ZPLD1: variants seen among roughly 807,000 people sequenced by gnomAD.
ZPLD1 encodes the protein zona pellucida-like domain-containing protein 1.
A neutral mutation model predicts 47.2 loss-of-function variants in ZPLD1; 34 were observed. That is an observed-to-expected ratio of 0.72 (90% CI 0.55 to 0.96). ZPLD1 has a LOEUF of 0.96. Among genes scored for constraint, ZPLD1 ranks in the 40% least tolerant of loss-of-function variants. The pLI is 0.00. For missense variants in ZPLD1, 512 were observed against 505.8 expected (o/e 1.01, Z -0.12); for synonymous variants, 176 against 186.2 (o/e 0.95, Z 0.45).
intron 3 of ZPLD1, among the ~76,000 whole-genome samples, chr3:102,447,061 G>T (rs1464650470): frequency 6.6e-6 from 1 of 152,022 alleles, no homozygotes; most frequent in Non-Finnish European, 1.5e-5. Flanking sequence ...TGATTCTTGT[G>T]CATCTCATCT....
At chr3:102,408,099 A>C (rs79077759) in intron 7 of ZPLD1, among the ~76,000 whole-genome samples, 21,767 of 151,858 alleles carry the variant, frequency 0.14, 2,052 homozygotes, top group Middle Eastern at 0.23. Context: ...TGCAGGCAGA[A>C]AGTCCAGGGT....
intron 3 of ZPLD1, among the ~76,000 whole-genome samples, chr3:102,439,080 A>T (rs1022392545): frequency 6.6e-6 from 1 of 152,210 alleles, no homozygotes; most frequent in Non-Finnish European, 1.5e-5. Flanking sequence ...CGTTGTGACA[A>T]ATACGAGATT....
chr3:102,426,132 GCACACACA>G (rs79509819), intron 8 of ZPLD1, among the ~76,000 whole-genome samples: 2 of 143,004 alleles, frequency 1.4e-5, no homozygotes, highest in African/African-American at 2.5e-5. Context: ...ACACACACAT[GCACACACA>G]CACACACACA....
chr3:102,470,986 T>C (rs1178772721), intron 10 of ZPLD1, among the ~76,000 whole-genome samples: 1 of 152,014 alleles, frequency 6.6e-6, no homozygotes, highest in African/African-American at 2.4e-5. Flanking sequence ...ACCATGTTGC[T>C]CAGGCTGGTC....
At chr3:102,393,725 T>A (rs1576123266) in intron 7 of ZPLD1, among the ~76,000 whole-genome samples, 1 of 152,038 alleles carries the variant, frequency 6.6e-6, no homozygotes, top group Non-Finnish European at 1.5e-5. Context: ...ATTAGAAATA[T>A]CTTTGGCATT....
At chr3:102,412,323 A>G (rs771978976) in intron 7 of ZPLD1, among the ~76,000 whole-genome samples, 1 of 151,816 alleles carries the variant, frequency 6.6e-6, no homozygotes, top group Non-Finnish European at 1.5e-5. Flanking sequence ...TGGGAGGCAT[A>G]GGATCTGGAA....
intron 2 of ZPLD1, among the ~76,000 whole-genome samples, chr3:102,438,242 T>C (rs879004785): frequency 1.3e-5 from 2 of 152,192 alleles, no homozygotes; most frequent in African/African-American, 4.8e-5. Context: ...TCTTCTACTA[T>C]GAAAATCTAG....
chr3:102,468,828 A>G (rs944096930), intron 8 of ZPLD1, 136 bp from the exon 9 acceptor site: 90 of 758,058 alleles, frequency 1.2e-4, no homozygotes, highest in Non-Finnish European at 1.7e-4. Flanking sequence ...GCTATGATTA[A>G]ATATCTGTAA....
At position 102,479,656 on chromosome 3, in the gene ZPLD1, A is replaced by G. The variant is rs1323154564; in HGVS notation, c.*2038A>G. The G allele has an allele frequency of 6.6e-6, 1 of 152,134 alleles. No homozygotes were observed. Among genetic ancestry groups the G allele is most frequent in the African/African-American group, 2.4e-5 (1 of 41,434 alleles). The allele number at this position is 152,134 out of a possible 1,614,324, so 9.4% of individuals were successfully genotyped here. A position where few individuals can be genotyped will look rare whatever the true frequency, so the allele number is the denominator to read the frequency against. On this transcript the variant is annotated 3_prime_UTR_variant, in exon 12 of 12. Transcript: ENST00000466937. ...TGTTTTTTACAACTTTGTTCTTATA[A>G]ATCTGCAGTTATATGGAGTATTTAG...
chr3:102,474,087 A>T (rs1363985935), intron 10 of ZPLD1, among the ~76,000 whole-genome samples: 1 of 152,182 alleles, frequency 6.6e-6, no homozygotes, highest in Admixed American at 6.5e-5. Context: ...TCCATTCTGG[A>T]TATTTTTTAC....
intron 6 of ZPLD1, among the ~76,000 whole-genome samples, chr3:102,461,414 CT>C (rs1474809420): frequency 6.6e-6 from 1 of 151,840 alleles, no homozygotes; most frequent in Non-Finnish European, 1.5e-5. Context: ...CTTTAATCTA[CT>C]GTGGATTTGA....
intron 3 of ZPLD1, among the ~76,000 whole-genome samples, chr3:102,439,904 T>G (rs1170686469): frequency 3.3e-5 from 5 of 152,242 alleles, no homozygotes; most frequent in African/African-American, 4.8e-5. Context: ...TATTTCATTT[T>G]GTTTTATAAC....
chr3:102,435,297 A>G (rs905582214), intron 1 of ZPLD1, 143 bp downstream of exon 1: 8 of 842,162 alleles, frequency 9.5e-6, no homozygotes, highest in Admixed American at 4.5e-5. Flanking sequence ...CCTTTATAAG[A>G]GATATGGGTG....
chr3:102,457,557 G>A (rs577235012), intron 5 of ZPLD1, among the ~76,000 whole-genome samples: 1 of 152,194 alleles, frequency 6.6e-6, no homozygotes, highest in African/African-American at 2.4e-5. Context: ...AAAAAAGATT[G>A]CTTTAAAAAT....
intron 7 of ZPLD1, among the ~76,000 whole-genome samples, chr3:102,396,344 T>C (rs1706557412): frequency 6.6e-6 from 1 of 152,110 alleles, no homozygotes; most frequent in Non-Finnish European, 1.5e-5. Context: ...TAAGTGACAA[T>C]TGGGTATTCA....
At chr3:102,422,297 A>G (rs1706889528) in intron 8 of ZPLD1, among the ~76,000 whole-genome samples, 1 of 152,006 alleles carries the variant, frequency 6.6e-6, no homozygotes, top group Non-Finnish European at 1.5e-5. Flanking sequence ...CCCCTAGGAG[A>G]CATTTGGCAA....
intron 4 of ZPLD1, among the ~76,000 whole-genome samples, chr3:102,453,898 T>A (rs1707375418): frequency 6.6e-6 from 1 of 152,182 alleles, no homozygotes. Flanking sequence ...GAAGTGAATA[T>A]ATTGTGATTT....
At chr3:102,425,141 C>A (rs377207279) in intron 8 of ZPLD1, among the ~76,000 whole-genome samples, 1 of 152,040 alleles carries the variant, frequency 6.6e-6, no homozygotes, top group South Asian at 2.1e-4. Context: ...CTTCAAGCCT[C>A]ATTTATATTT....
upstream of ZPLD1, among the ~76,000 whole-genome samples, chr3:102,431,003 A>C (rs901275606): frequency 6.6e-6 from 1 of 152,184 alleles, no homozygotes; most frequent in Admixed American, 6.5e-5. Flanking sequence ...AATATCTTGA[A>C]AAGGAACCTG....
Sources: gnomAD v4.1 joint callset for allele counts (sites outside exome capture counted in the v4.1 genomes callset) on GRCh38, gnomAD v4.1.1 for gene constraint, MANE v1.5 for transcripts, NCBI Gene and HGNC (gene_info 2026-07-23, HGNC 2026-07-21) for gene names.